Variants in NSG1 observed in about 807,000 individuals in gnomAD.
NSG1 encodes neuronal vesicle trafficking-associated protein 1.
In NSG1, 9 loss-of-function variants were observed where a neutral mutation model predicts 19.3. That is an observed-to-expected ratio of 0.47 (90% CI 0.28 to 0.81). The LOEUF is 0.81. NSG1 is among the 40% of genes least tolerant of loss of function. The probability of loss-of-function intolerance (pLI) is 0.11; values close to 1 mark genes in which losing one functional copy is unlikely to be tolerated. For missense variants in NSG1, 236 were observed against 242.4 expected, an observed-to-expected ratio of 0.97 and a Z score of 0.18; for synonymous variants, 104 against 107.0, an observed-to-expected ratio of 0.97 and a Z score of 0.17.
At position 4,417,417 on chromosome 4, in the gene NSG1, G is replaced by A. The variant is rs1724636522; in HGVS notation, c.540G>A (p.Ala180=). The A allele has an allele frequency of 1.2e-6, 2 of 1,614,210 alleles. No individual in the cohort carries two copies. Among genetic ancestry groups the A allele is most frequent in the South Asian group, 1.1e-5 (1 of 91,084 alleles). Residue 180 remains alanine, a synonymous_variant, in exon 5 of 5, where the codon GCG becomes GCA. Coordinates refer to ENST00000621129, the MANE Select transcript of NSG1 (RefSeq NM_014392.5). ...EEKLSEQETE[A]AEKSA ...AGCTGTCCGAGCAGGAGACTGAAGC[G>A]GCTGAGAAGTCAGCTTAGCGGGATG...
rs553601147 is a variant in NSG1, at chr4:4,412,504, C to T, written c.357+2821C>T. ...GCATCTAATGAGGGGGTGTCCTTTC[C>T]GGAGAAGGCACCTAGGAAGGCCAGG... On this transcript the variant is annotated intron_variant, in intron 4 of 4. Transcript: ENST00000621129. Among the ~76,000 whole-genome samples the T allele has an allele frequency of 6.2e-4, 94 of 151,848 alleles. No homozygotes were observed. In the South Asian group the frequency reaches 0.013, roughly 21 times the overall value.
intron 3 of NSG1, 62 bp from the exon 4 acceptor site, chr4:4,409,511 G>A (rs1724053580): frequency 1.1e-5 from 13 of 1,180,026 alleles, no homozygotes; most frequent in South Asian, 9.8e-5. Context: ...TCGTGTGCGG[G>A]TGTGTGTGTG....
At chr4:4,403,156 G>GAATC (rs1723661567) in intron 3 of NSG1, among the ~76,000 whole-genome samples, 2 of 152,220 alleles carry the variant, frequency 1.3e-5, no homozygotes, top group Admixed American at 1.3e-4. Context: ...CCAGATGTGT[G>GAATC]AATCACAGCC....
At chr4:4,403,665 T>C (rs1381065536) in intron 3 of NSG1, among the ~76,000 whole-genome samples, 1 of 152,170 alleles carries the variant, frequency 6.6e-6, no homozygotes, top group Non-Finnish European at 1.5e-5. Context: ...TGGGTGTCTT[T>C]AGGGCCGTTA....
chr4:4,396,053 C>T (rs1049787147), intron 3 of NSG1, among the ~76,000 whole-genome samples: 10 of 152,332 alleles, frequency 6.6e-5, no homozygotes, highest in African/African-American at 9.6e-5. Flanking sequence ...CCCCCAGCGG[C>T]GGCCAGCTGC....
intron 3 of NSG1, among the ~76,000 whole-genome samples, chr4:4,402,280 A>C (rs947080225): frequency 6.9e-6 from 1 of 144,624 alleles, no homozygotes; most frequent in Admixed American, 7.1e-5. Context: ...ATCTTGGCTC[A>C]CTATAACTTC....
At chr4:4,404,437 G>T (rs1023799416) in intron 3 of NSG1, among the ~76,000 whole-genome samples, 2 of 152,250 alleles carry the variant, frequency 1.3e-5, no homozygotes, top group African/African-American at 4.8e-5. Flanking sequence ...ACCAGGCGTT[G>T]GGGCGAATGC....
chr4:4,398,884 C>T (rs1723404420), intron 3 of NSG1, among the ~76,000 whole-genome samples: 1 of 152,184 alleles, frequency 6.6e-6, no homozygotes, highest in African/African-American at 2.4e-5. Flanking sequence ...CAGAGCTGTA[C>T]CATTTTACAT....
chr4:4,415,720 C>G, intron 4 of NSG1: 1 of 152,810 alleles, frequency 6.5e-6, no homozygotes, highest in Non-Finnish European at 1.4e-5. Flanking sequence ...CTGAGCGGGG[C>G]CGCCACTCCA....
At chr4:4,389,281 G>C (rs1444553015) in intron 2 of NSG1, among the ~76,000 whole-genome samples, 1 of 152,206 alleles carries the variant, frequency 6.6e-6, no homozygotes, top group Non-Finnish European at 1.5e-5. Context: ...TAATTAGGTC[G>C]ACCAGGAGTA....
At chr4:4,412,491 G>C (rs1168623621) in intron 4 of NSG1, among the ~76,000 whole-genome samples, 1 of 151,762 alleles carries the variant, frequency 6.6e-6, no homozygotes, top group Non-Finnish European at 1.5e-5. Flanking sequence ...ATCTAATGAG[G>C]GGGTGTCCTT....
intron 3 of NSG1, among the ~76,000 whole-genome samples, chr4:4,403,894 G>A (rs1276767618): frequency 6.6e-6 from 1 of 152,242 alleles, no homozygotes; most frequent in Non-Finnish European, 1.5e-5. Context: ...GGTGGGGGGT[G>A]TAGCTCGAGA....
chr4:4,405,712 C>T (rs1305678546), intron 3 of NSG1, among the ~76,000 whole-genome samples: 1 of 152,174 alleles, frequency 6.6e-6, no homozygotes, highest in Non-Finnish European at 1.5e-5. Flanking sequence ...TAGGGGAGCT[C>T]TTTGCCACAC....
At chr4:4,414,725 C>T (rs910794807) in intron 4 of NSG1, among the ~76,000 whole-genome samples, 14 of 152,130 alleles carry the variant, frequency 9.2e-5, no homozygotes, top group East Asian at 3.9e-4. Context: ...CCCAAGGTCA[C>T]GCCCTTCAGT....
rs1381047217 is a variant in NSG1, at chr4:4,418,583, GAA to G, written c.*1151_*1152del. On this transcript the variant is annotated 3_prime_UTR_variant, in exon 5 of 5. Transcript: ENST00000621129. ...ATGAACTAAGTGTGTAAAACAAATA[GAA>G]AAGACATTCGCAGACATTTCTTCTA... 6.6e-6 allele frequency: 1 copy of G among 152,602 alleles called. No homozygotes were observed. Among genetic ancestry groups the G allele is most frequent in the Non-Finnish European group, 1.5e-5 (1 of 68,034 alleles). The allele number at this position is 152,602 out of a possible 1,614,324, so 9.5% of individuals were successfully genotyped here.
chr4:4,411,776 A>AC (rs1553819745), intron 4 of NSG1, among the ~76,000 whole-genome samples: 3 of 132,500 alleles, frequency 2.3e-5, no homozygotes, highest in Non-Finnish European at 3.4e-5. Context: ...AACAAAACAA[A>AC]ACAAAACAAA....
Position 4,387,597 on chromosome 4 carries a change from G to T in NSG1, c.-26-7G>T. Reference sequence around the variant, plus strand: ...TGTGGTGACTCCCCCCGGCCCTCCCGCCGCAGGCTGCAGCCTCGGAGCTCC... The same window carrying T: ...TGTGGTGACTCCCCCCGGCCCTCCCTCCGCAGGCTGCAGCCTCGGAGCTCC... On this transcript the variant is annotated splice_region_variant and splice_polypyrimidine_tract_variant and intron_variant, in intron 1 of 4. Transcript: ENST00000621129. The T allele has an allele frequency of 8.0e-7, 1 of 1,255,982 alleles. No individual in the cohort carries two copies. The highest frequency in any genetic ancestry group is 1.1e-6 in the Non-Finnish European group (1 of 951,478). 77.8% of individuals were successfully genotyped at this position (1,255,982 alleles called of 1,614,324 possible). A position where few individuals can be genotyped will look rare whatever the true frequency, so the allele number is the denominator to read the frequency against.
chr4:4,407,324 C>T (rs756983374), intron 3 of NSG1, among the ~76,000 whole-genome samples: 3 of 152,108 alleles, frequency 2.0e-5, no homozygotes, highest in Non-Finnish European at 4.4e-5. Flanking sequence ...TGAGGGGTCC[C>T]TCCCTAGGTG....
Position 4,409,590 on chromosome 4 carries a change from C to T in NSG1, c.264C>T (p.Leu88=), listed in dbSNP as rs989376165. The change falls in exon 4 of 5, where the codon CTC becomes CTT. Residue 88 remains leucine, a synonymous_variant. Coordinates refer to ENST00000621129, the MANE Select transcript of NSG1 (RefSeq NM_014392.5). ...GCCCACAGGTCTCCGTGTTGGTCCT[C>T]TTCGCCCTGGCCTTCCTCACCTGCG... ...TERFKVSVLV[L]FALAFLTCVV... 10 of 1,614,146 alleles carry T rather than the reference C, an allele frequency of 6.2e-6. No homozygotes were observed. Among genetic ancestry groups the T allele is most frequent in the Non-Finnish European group, 5.9e-6 (7 of 1,180,006 alleles).
Sources: allele counts gnomAD v4.1 joint callset (sites outside exome capture counted in the v4.1 genomes callset), GRCh38; gene constraint gnomAD v4.1.1; transcripts MANE v1.5; gene names NCBI Gene and HGNC (gene_info 2026-07-23, HGNC 2026-07-21).